The following SH3RF2 variants were observed in gnomAD, a reference collection of about 807,000 sequenced individuals.
SH3RF2 encodes the protein E3 ubiquitin-protein ligase SH3RF2.
A neutral mutation model predicts 59.0 loss-of-function variants in SH3RF2; 43 were observed. The observed-to-expected ratio is 0.73, with a 90% CI of 0.57 to 0.94. The LOEUF is 0.94. Among genes scored for constraint, SH3RF2 ranks in the 40% least tolerant of loss-of-function variants. The probability of loss-of-function intolerance (pLI) is 0.00; values close to 1 mark genes in which losing one functional copy is unlikely to be tolerated. For synonymous variants in SH3RF2, 391 were observed against 391.5 expected, an observed-to-expected ratio of 1.00 and a Z score of 0.01; for missense variants, 930 against 940.1, an observed-to-expected ratio of 0.99 and a Z score of 0.14.
chr5:145,966,107 A>G (rs752879059), intron 2 of SH3RF2, among the ~76,000 whole-genome samples: 20 of 152,204 alleles, frequency 1.3e-4, no homozygotes, highest in Non-Finnish European at 2.8e-4. Flanking sequence ...GAGGGAGGCA[A>G]GGACACATTA....
chr5:146,034,912 C>G (rs1440873814), intron 5 of SH3RF2, among the ~76,000 whole-genome samples: 1 of 152,148 alleles, frequency 6.6e-6, no homozygotes, highest in South Asian at 2.1e-4. Context: ...TGGAGACCAG[C>G]CTGGCCAACA....
intron 9 of SH3RF2, among the ~76,000 whole-genome samples, chr5:146,074,334 C>T (rs570329823): frequency 2.8e-4 from 42 of 152,048 alleles, no homozygotes; most frequent in Admixed American, 4.6e-4. Flanking sequence ...CCCCTTTTAT[C>T]CTGACAAGAA....
chr5:146,025,065 C>T (rs1761479844), intron 5 of SH3RF2, among the ~76,000 whole-genome samples: 2 of 152,176 alleles, frequency 1.3e-5, no homozygotes, highest in East Asian at 3.8e-4. Flanking sequence ...TGCCACAATT[C>T]TTCCATAATA....
chr5:145,989,298 A>G (rs1158696952), intron 2 of SH3RF2, among the ~76,000 whole-genome samples: 1 of 152,218 alleles, frequency 6.6e-6, no homozygotes, highest in Non-Finnish European at 1.5e-5. Flanking sequence ...TGATGAAAAC[A>G]ATCCTTCTTT....
intron 2 of SH3RF2, among the ~76,000 whole-genome samples, chr5:145,988,712 G>A (rs1172920239): frequency 6.6e-6 from 1 of 152,150 alleles, no homozygotes; most frequent in Non-Finnish European, 1.5e-5. Flanking sequence ...GTCGGATTTA[G>A]GGATTTCCAC....
At chr5:145,977,255 C>T (rs1561719808) in intron 2 of SH3RF2, among the ~76,000 whole-genome samples, 1 of 152,250 alleles carries the variant, frequency 6.6e-6, no homozygotes, top group African/African-American at 2.4e-5. Flanking sequence ...TTATCATCTA[C>T]ACTTTGTTCT....
chr5:146,078,962 A>G (rs567281638), exon 10 of SH3RF2: 1 of 152,304 alleles, frequency 6.6e-6, no homozygotes, highest in African/African-American at 2.4e-5. Flanking sequence ...AATGTCCCCT[A>G]GCCATCACCC....
At chr5:146,015,618 G>A (rs189344649) in intron 5 of SH3RF2, among the ~76,000 whole-genome samples, 1 of 152,292 alleles carries the variant, frequency 6.6e-6, no homozygotes, top group East Asian at 1.9e-4. Flanking sequence ...GCTCTAAGTT[G>A]GCTTCGCAAA....
chr5:146,074,197 G>A (rs1008745325), intron 9 of SH3RF2, among the ~76,000 whole-genome samples: 6 of 151,788 alleles, frequency 4.0e-5, no homozygotes, highest in East Asian at 1.9e-4. Flanking sequence ...CCAACACCAC[G>A]CCCGGCTAAT....
Position 146,009,554 on chromosome 5 carries a change from C to T in SH3RF2, c.745-4193C>T, listed in dbSNP as rs554161320. On this transcript the variant is annotated intron_variant, in intron 4 of 9. Coordinates refer to ENST00000359120, the MANE Select transcript of SH3RF2 (RefSeq NM_152550.4). ...TGTTTCAGCTTAAATGCCACCTTCT[C>T]GGCAGATCTTCCTCGACCCCCTAAT... is the stretch of plus-strand genomic sequence containing the variant. Among the ~76,000 whole-genome samples the T allele has an allele frequency of 3.9e-5, 6 of 152,294 alleles. No homozygotes were observed. The East Asian group carries it at 5.8e-4, about 15-fold the overall frequency.
intron 9 of SH3RF2, among the ~76,000 whole-genome samples, chr5:146,074,415 C>T (rs1280234991): frequency 6.6e-6 from 1 of 151,946 alleles, no homozygotes; most frequent in African/African-American, 2.4e-5. Flanking sequence ...GGCAAATTAC[C>T]GCCCTTTTCT....
chr5:145,995,744 A>G (rs904782192), intron 2 of SH3RF2, among the ~76,000 whole-genome samples: 1 of 152,252 alleles, frequency 6.6e-6, no homozygotes, highest in African/African-American at 2.4e-5. Flanking sequence ...AAATATTGGC[A>G]TATAGTCATC....
At chr5:146,045,595 C>G (rs1257675692) in intron 5 of SH3RF2, among the ~76,000 whole-genome samples, 1 of 152,202 alleles carries the variant, frequency 6.6e-6, no homozygotes, top group African/African-American at 2.4e-5. Context: ...TCTTTTGTGT[C>G]TGGCTTCTTT....
At chr5:145,991,369 A>G (rs1030917106) in intron 2 of SH3RF2, among the ~76,000 whole-genome samples, 2 of 152,212 alleles carry the variant, frequency 1.3e-5, no homozygotes, top group African/African-American at 4.8e-5. Flanking sequence ...GCAATAATGT[A>G]AGAAAAATGT....
chr5:146,065,948 A>C (rs1362425019), downstream of SH3RF2, among the ~76,000 whole-genome samples: 1 of 152,154 alleles, frequency 6.6e-6, no homozygotes, highest in African/African-American at 2.4e-5. Flanking sequence ...GAGCCACCAC[A>C]CCCAGCCCCA....
intron 5 of SH3RF2, among the ~76,000 whole-genome samples, chr5:146,025,616 G>A (rs552014876): frequency 2.4e-3 from 370 of 152,348 alleles, no homozygotes; most frequent in African/African-American, 8.6e-3. Context: ...ATCAAAACAT[G>A]AAGGATTTAA....
intron 2 of SH3RF2, among the ~76,000 whole-genome samples, chr5:145,954,874 A>G (rs1253919527): frequency 2.0e-5 from 3 of 151,976 alleles, no homozygotes; most frequent in Non-Finnish European, 2.9e-5. Flanking sequence ...GGAGCGAGAG[A>G]GAGAGAGAGA....
intron 4 of SH3RF2, among the ~76,000 whole-genome samples, chr5:146,012,825 G>A (rs1252746117): frequency 2.6e-5 from 4 of 152,132 alleles, no homozygotes; most frequent in Admixed American, 2.0e-4. Flanking sequence ...GGGGAAGACA[G>A]ACATAACACA....
rs779238350 is a variant in SH3RF2, at chr5:146,056,131, A to T, written c.1473A>T (p.Ile491=). The stretch of plus-strand genomic sequence containing the variant: ...AATCCGTCTTTGTGCCCACTGCCAT[A>T]GTCAACCCCGTGAGAAGCACAGCCG... ...PFKSVFVPTA[I]VNPVRSTAGP... is the part of the protein sequence containing the mutation. The change falls in exon 8 of 10, where the codon ATA becomes ATT. Residue 491 remains isoleucine (I), a synonymous_variant. Coordinates refer to ENST00000359120, the MANE Select transcript of SH3RF2 (RefSeq NM_152550.4). 6.2e-7 allele frequency: 1 copy of T among 1,614,084 alleles called. No homozygotes were observed. The highest frequency in any genetic ancestry group is 8.5e-7 in the Non-Finnish European group (1 of 1,180,050).
Sources: gnomAD v4.1 joint callset for allele counts (sites outside exome capture counted in the v4.1 genomes callset) on GRCh38, gnomAD v4.1.1 for gene constraint, MANE v1.5 for transcripts, NCBI Gene and HGNC (gene_info 2026-07-23, HGNC 2026-07-21) for gene names.